The following ADAMTS14 variants were observed in gnomAD, a reference collection of about 807,000 sequenced individuals.
The protein encoded by ADAMTS14 is A disintegrin and metalloproteinase with thrombospondin motifs 14.
ADAMTS14 carries 100 observed loss-of-function variants against 128.6 expected under a neutral mutation model. The ratio of observed to expected loss-of-function variants is 0.78; its 90% CI spans 0.66 to 0.92. The LOEUF (loss-of-function observed/expected upper bound fraction) is 0.92, where lower values mean the gene tolerates loss of function less well. ADAMTS14 is among the 40% of genes least tolerant of loss of function. ADAMTS14 has a pLI of 0.00. For missense variants in ADAMTS14, 1,562 were observed against 1,658.6 expected (o/e 0.94, Z 1.01); for synonymous variants, 665 against 653.8 (o/e 1.02, Z -0.26).
chr10:70,730,373 A>T, intron 6 of ADAMTS14, 124 bp downstream of exon 6: 1 of 1,324,486 alleles, frequency 7.6e-7, no homozygotes, highest in East Asian at 2.5e-5. Context: ...AAGGGATGGG[A>T]CCTGGACAGC....
intron 19 of ADAMTS14, among the ~76,000 whole-genome samples, chr10:70,754,353 T>C (rs897023850): frequency 2.6e-5 from 4 of 152,210 alleles, no homozygotes; most frequent in African/African-American, 9.7e-5. Context: ...GAACCTAGCA[T>C]CAACCAGACA....
chr10:70,672,888 C>G lies in ADAMTS14; in HGVS notation c.82+4C>G. 1 of 1,481,198 alleles carries G rather than the reference C, an allele frequency of 6.8e-7. No individual in the cohort carries two copies. The highest frequency in any genetic ancestry group is 8.9e-7 in the Non-Finnish European group (1 of 1,122,386). 91.8% of individuals were successfully genotyped at this position (1,481,198 alleles called of 1,614,324 possible). ...GCCGCGGGCAGCCGGACCCCAGGTG[C>G]GTGCGGGTTGGGCGCGCGGGGGCCC... On this transcript the variant is annotated splice_donor_region_variant and intron_variant, in intron 1 of 21. Coordinates refer to ENST00000373207, the MANE Select transcript of ADAMTS14 (RefSeq NM_080722.4).
In ADAMTS14 at chr10:70,758,007, T is replaced by C. The variant is rs201862024; in HGVS notation, c.2983T>C (p.Cys995Arg). The C allele has an allele frequency of 4.3e-4, 697 of 1,613,412 alleles. No individual in the cohort carries two copies. The highest frequency in any genetic ancestry group is 5.7e-4 in the Non-Finnish European group (672 of 1,179,904). ...GGGCATCCAGCAGCGGCAGGTGGTG[T>C]GCAGGACCAACGCCAACAGCCTCGG... The part of the protein sequence containing the change: ...GEGIQQRQVV[C>R]RTNANSLGHC... The change falls in exon 20 of 22, where the codon TGC becomes CGC. Residue 995 changes from cysteine (C) to arginine (R), a missense_variant. Physicochemically the swap from Cys to Arg is radical, Grantham distance 180 (BLOSUM62 -3). Coordinates refer to ENST00000373207, the MANE Select transcript of ADAMTS14 (RefSeq NM_080722.4).
intron 4 of ADAMTS14, among the ~76,000 whole-genome samples, chr10:70,725,651 G>T (rs1011461659): frequency 2.0e-5 from 3 of 152,168 alleles, no homozygotes. Flanking sequence ...CTGCCTTTAT[G>T]ACTTAATTAC....
intron 18 of ADAMTS14, among the ~76,000 whole-genome samples, chr10:70,752,982 A>G (rs1027424846): frequency 6.6e-6 from 1 of 152,128 alleles, no homozygotes; most frequent in African/African-American, 2.4e-5. Flanking sequence ...GTTCCTTTGT[A>G]TTGTTATTCA....
At chr10:70,755,068 G>A (rs1188481036) in intron 19 of ADAMTS14, among the ~76,000 whole-genome samples, 1 of 152,078 alleles carries the variant, frequency 6.6e-6, no homozygotes, top group African/African-American at 2.4e-5. Context: ...ATCTTTGGGA[G>A]GCTGATGTGG....
intron 2 of ADAMTS14, among the ~76,000 whole-genome samples, chr10:70,701,616 A>T (rs1840494855): frequency 6.6e-6 from 1 of 152,126 alleles, no homozygotes; most frequent in Non-Finnish European, 1.5e-5. Flanking sequence ...CATTTTCTGG[A>T]CTTTGCCAAC....
chr10:70,679,222 C>G (rs1225966845), intron 2 of ADAMTS14, among the ~76,000 whole-genome samples: 1 of 152,156 alleles, frequency 6.6e-6, no homozygotes, highest in Non-Finnish European at 1.5e-5. Flanking sequence ...TAGTGCCAGG[C>G]CCCTGACCAG....
At chr10:70,679,528 C>G (rs12251617) in intron 2 of ADAMTS14, among the ~76,000 whole-genome samples, 1,860 of 152,264 alleles carry the variant, frequency 0.012, 51 homozygotes, top group African/African-American at 0.042. Context: ...AGTGGGGTCC[C>G]TGCTTCTCAG....
chr10:70,687,338 AC>A (rs1439448882), intron 2 of ADAMTS14, among the ~76,000 whole-genome samples: 3,038 of 49,804 alleles, frequency 0.061, 110 homozygotes, highest in African/African-American at 0.13. Flanking sequence ...CGGGGGGCCG[AC>A]CCCCCCACCT....
rs1227992185 is a variant in ADAMTS14 at position 70,758,173 on chromosome 10, A to G, written c.3068-2A>G. On this transcript the variant is annotated splice_acceptor_variant, in intron 20 of 21. Coordinates refer to ENST00000373207, the MANE Select transcript of ADAMTS14 (RefSeq NM_080722.4). LOFTEE classifies it high-confidence loss of function. Reference sequence around the variant, plus strand: ...ACTAGAATTGCTTCTTCCTGCTCACAGGAAATCACCAGAACTCCACGGTGA... The same window carrying G: ...ACTAGAATTGCTTCTTCCTGCTCACGGGAAATCACCAGAACTCCACGGTGA... The G allele has an allele frequency of 6.2e-7, 1 of 1,614,092 alleles. No individual in the cohort carries two copies. The highest frequency in any genetic ancestry group is 1.3e-5 in the African/African-American group (1 of 75,060).
intron 5 of ADAMTS14, 51 bp downstream of exon 5, chr10:70,729,428 C>T (rs1253741124): frequency 6.1e-6 from 9 of 1,476,618 alleles, no homozygotes; most frequent in Non-Finnish European, 8.5e-6. Context: ...GGTTGTGGGG[C>T]CAGAGTGTTG....
Position 70,698,191 on chromosome 10 carries a change from T to C in ADAMTS14, c.523-4121T>C, listed in dbSNP as rs142674550. On this transcript the variant is annotated intron_variant, in intron 2 of 21. Coordinates refer to ENST00000373207, the MANE Select transcript of ADAMTS14 (RefSeq NM_080722.4). ...ATAAGATATAGTTGGAAATTCAATATGGCTGATATTTATTTTCCATCCTAC... is the reference window on the plus strand; with the variant it reads ...ATAAGATATAGTTGGAAATTCAATACGGCTGATATTTATTTTCCATCCTAC... Among the ~76,000 whole-genome samples the C allele has an allele frequency of 5.2e-3, 795 of 152,376 alleles. 9 individuals carry two copies. Among genetic ancestry groups the C allele is most frequent in the African/African-American group, 0.018 (751 of 41,586 alleles).
intron 4 of ADAMTS14, among the ~76,000 whole-genome samples, chr10:70,726,966 G>A (rs2587480): frequency 0.082 from 12,528 of 152,302 alleles, 638 homozygotes; most frequent in Middle Eastern, 0.13. Flanking sequence ...CTTGTGGTGG[G>A]GTGTTGGCAG....
rs970874294 is a variant in ADAMTS14 at position 70,761,079 on chromosome 10, C to CGGCG, written c.*229_*232dup. ...CGGAGATACCTCAGCAAGCTGCCCC[C>CGGCG]GGCGGGACTGACCCTCTCAGGGCCC... On this transcript the variant is annotated 3_prime_UTR_variant, in exon 22 of 22. Coordinates refer to ENST00000373207, the MANE Select transcript of ADAMTS14 (RefSeq NM_080722.4). The CGGCG allele has an allele frequency of 5.1e-5, 31 of 612,544 alleles. No individual in the cohort carries two copies. Among genetic ancestry groups the CGGCG allele is most frequent in the Non-Finnish European group, 1.0e-5 (4 of 388,266 alleles). The allele number at this position is 612,544 out of a possible 1,614,324, so 37.9% of individuals were successfully genotyped here. A position where few individuals can be genotyped will look rare whatever the true frequency, so the allele number is the denominator to read the frequency against.
At chr10:70,718,459 C>A (rs1191076800) in intron 4 of ADAMTS14, among the ~76,000 whole-genome samples, 1 of 152,088 alleles carries the variant, frequency 6.6e-6, no homozygotes, top group Admixed American at 6.5e-5. Flanking sequence ...GCGATCTCGG[C>A]TCACTGCAAC....
intron 2 of ADAMTS14, among the ~76,000 whole-genome samples, chr10:70,690,023 A>G (rs1840140246): frequency 6.9e-6 from 1 of 145,026 alleles, no homozygotes; most frequent in Non-Finnish European, 1.6e-5. Context: ...ACCCTGCTGT[A>G]GAATGTTAGC....
chr10:70,674,972 G>T lies in ADAMTS14; in HGVS notation c.499G>T (p.Ala167Ser), dbSNP rs373362179. The change falls in exon 2 of 22, where the codon GCC (alanine) becomes TCC (serine). Residue 167 changes from alanine (A) to serine (S), a missense_variant. Physicochemically the swap from Ala to Ser is moderately conservative, Grantham distance 99. Coordinates refer to ENST00000373207, the MANE Select transcript of ADAMTS14 (RefSeq NM_080722.4). ...CACTGGAATGCCTGGGGCAGCTGTT[G>T]CCATCAGCAACTGTGACGGATTGGT... ...GVTGMPGAAV[A>S]ISNCDGLAGL... 192 of 1,612,686 alleles carry T rather than the reference G, an allele frequency of 1.2e-4. No homozygotes were observed. Among genetic ancestry groups the T allele is most frequent in the Middle Eastern group, 1.6e-4 (1 of 6,082 alleles).
chr10:70,715,940 A>T (rs1049528782), intron 4 of ADAMTS14, among the ~76,000 whole-genome samples: 4 of 152,178 alleles, frequency 2.6e-5, no homozygotes, highest in Non-Finnish European at 5.9e-5. Flanking sequence ...TGACGTCCCT[A>T]GGACTTTACT....
Sources: allele counts gnomAD v4.1 joint callset (sites outside exome capture counted in the v4.1 genomes callset), GRCh38; gene constraint gnomAD v4.1.1; transcripts MANE v1.5; gene names NCBI Gene and HGNC (gene_info 2026-07-23, HGNC 2026-07-21).